The following R3HDM1 variants were observed in gnomAD, a reference collection of about 807,000 sequenced individuals.
R3HDM1 encodes R3H domain containing 1.
A neutral mutation model predicts 141.1 loss-of-function variants in R3HDM1; 46 were observed. The observed-to-expected ratio is 0.33, with a 90% CI of 0.26 to 0.42. The LOEUF is 0.42. Among genes scored for constraint, R3HDM1 ranks in the 10% least tolerant of loss-of-function variants. The pLI is 1.00. For missense variants in R3HDM1, 1,184 were observed against 1,368.3 expected (o/e 0.87, Z 2.12); for synonymous variants, 435 against 472.9 (o/e 0.92, Z 1.04).
In R3HDM1 at chr2:135,645,372, T is replaced by G; in HGVS notation, c.1475-7T>G. ...GTTATTTTTTTCCCTCTTTTTGAAT[T>G]TTTCAGGTCAGCCCTTCATAAACCC... On this transcript the variant is annotated splice_polypyrimidine_tract_variant and splice_region_variant and intron_variant, in intron 15 of 26. Transcript: ENST00000683871. The G allele has an allele frequency of 6.3e-7, 1 of 1,581,268 alleles. No individual in the cohort carries two copies. Among genetic ancestry groups the G allele is most frequent in the Non-Finnish European group, 8.6e-7 (1 of 1,159,924 alleles).
At chr2:135,585,747 C>A (rs1013700639) in intron 1 of R3HDM1, among the ~76,000 whole-genome samples, 2 of 152,212 alleles carry the variant, frequency 1.3e-5, no homozygotes, top group African/African-American at 2.4e-5. Flanking sequence ...TGACATGAGG[C>A]AGAATTGTCC....
At chr2:135,533,440 T>C (rs1695360504) in intron 1 of R3HDM1, among the ~76,000 whole-genome samples, 1 of 152,248 alleles carries the variant, frequency 6.6e-6, no homozygotes, top group Non-Finnish European at 1.5e-5. Flanking sequence ...GGGTGATTTA[T>C]ATAGAGAAAG....
intron 14 of R3HDM1, among the ~76,000 whole-genome samples, chr2:135,639,417 G>A (rs1217570832): frequency 6.6e-6 from 1 of 152,130 alleles, no homozygotes; most frequent in Non-Finnish European, 1.5e-5. Flanking sequence ...ATGCCCATAG[G>A]TAATTGGAAA....
At chr2:135,693,030 A>G (rs1196583250) in intron 21 of R3HDM1, among the ~76,000 whole-genome samples, 2 of 152,164 alleles carry the variant, frequency 1.3e-5, no homozygotes, top group African/African-American at 4.8e-5. Context: ...AAACACGCCA[A>G]ATAGGAAATA....
At chr2:135,541,548 G>A (rs1024779399) in intron 1 of R3HDM1, among the ~76,000 whole-genome samples, 1 of 152,016 alleles carries the variant, frequency 6.6e-6, no homozygotes, top group African/African-American at 2.4e-5. Context: ...CAGTGAATAG[G>A]GAGGACCAAA....
intron 1 of R3HDM1, among the ~76,000 whole-genome samples, chr2:135,537,077 A>G (rs1200033494): frequency 1.3e-5 from 2 of 151,992 alleles, no homozygotes; most frequent in African/African-American, 2.4e-5. Context: ...AAGAAGTTCC[A>G]TAACTAGAGT....
chr2:135,604,810 C>G lies in R3HDM1; in HGVS notation c.-36C>G. ...TATTAATTTTTTTTTCTTAAGGCTT[C>G]AAGCTCCCTGTAGAATTCGAAAATA... On this transcript the variant is annotated 5_prime_UTR_variant, in exon 3 of 27. The change creates a premature stop within an existing upstream ORF in the 5' untranslated region. Transcript: ENST00000683871. The G allele has an allele frequency of 6.2e-7, 1 of 1,603,646 alleles. No homozygotes were observed. The highest frequency in any genetic ancestry group is 8.5e-7 in the Non-Finnish European group (1 of 1,173,434).
chr2:135,678,006 C>G (rs1052661550), intron 20 of R3HDM1, among the ~76,000 whole-genome samples: 24 of 152,088 alleles, frequency 1.6e-4, no homozygotes, highest in Non-Finnish European at 5.9e-5. Context: ...GCTCTGTCAC[C>G]CAAGCCGGAG....
chr2:135,714,185 C>A (rs1311706707), intron 23 of R3HDM1, among the ~76,000 whole-genome samples: 1 of 152,124 alleles, frequency 6.6e-6, no homozygotes, highest in Admixed American at 6.5e-5. Flanking sequence ...ACCATGTTAA[C>A]AAAGCAGTCG....
At chr2:135,714,764 T>TAC (rs144894901) in intron 23 of R3HDM1, among the ~76,000 whole-genome samples, 102,273 of 146,690 alleles carry the variant, frequency 0.7, 37,116 homozygotes, top group Non-Finnish European at 0.84. Context: ...TATGGGTGTA[T>TAC]ACACACACAC....
chr2:135,543,676 A>C (rs1418470787), intron 1 of R3HDM1, among the ~76,000 whole-genome samples: 2 of 152,196 alleles, frequency 1.3e-5, no homozygotes, highest in African/African-American at 4.8e-5. Context: ...AAAATAACTT[A>C]AAAAAGAAGA....
intron 1 of R3HDM1, among the ~76,000 whole-genome samples, chr2:135,532,952 C>A (rs1033781753): frequency 5.3e-5 from 8 of 152,158 alleles, no homozygotes; most frequent in Admixed American, 3.3e-4. Context: ...AGATAAAATT[C>A]TAGGCCCATT....
intron 1 of R3HDM1, among the ~76,000 whole-genome samples, chr2:135,550,501 T>A (rs545374157): frequency 5.3e-5 from 8 of 152,184 alleles, no homozygotes; most frequent in Non-Finnish European, 7.4e-5. Flanking sequence ...GGGCTTATCT[T>A]TTCTCATGTC....
At chr2:135,639,992 G>T (rs2063624176) in intron 14 of R3HDM1, among the ~76,000 whole-genome samples, 1 of 152,030 alleles carries the variant, frequency 6.6e-6, no homozygotes, top group Non-Finnish European at 1.5e-5. Flanking sequence ...CCAGCTGTTT[G>T]GGAGGCTGAG....
intron 3 of R3HDM1, among the ~76,000 whole-genome samples, chr2:135,615,537 C>A (rs1305374152): frequency 2.0e-5 from 3 of 152,158 alleles, no homozygotes; most frequent in Admixed American, 6.5e-5. Flanking sequence ...TGATGGTCGG[C>A]CTGTCAGTCA....
intron 22 of R3HDM1, 85 bp downstream of exon 22, chr2:135,709,621 T>A: frequency 1.3e-6 from 2 of 1,509,808 alleles, no homozygotes; most frequent in Non-Finnish European, 1.8e-6. Context: ...TACAAAAAGC[T>A]TCTCAATTTG....
At chr2:135,559,575 T>A (rs1701421095) in intron 1 of R3HDM1, among the ~76,000 whole-genome samples, 1 of 152,220 alleles carries the variant, frequency 6.6e-6, no homozygotes, top group African/African-American at 2.4e-5. Context: ...AGAAGTATAT[T>A]TATATGCCTT....
At chr2:135,615,091 C>G (rs889749167) in intron 3 of R3HDM1, among the ~76,000 whole-genome samples, 1 of 151,872 alleles carries the variant, frequency 6.6e-6, no homozygotes. Context: ...TTTTGTTGTT[C>G]TGTAGTTTGT....
intron 24 of R3HDM1, among the ~76,000 whole-genome samples, chr2:135,719,798 T>C (rs1304376110): frequency 6.6e-6 from 1 of 152,170 alleles, no homozygotes; most frequent in African/African-American, 2.4e-5. Context: ...TTTTAAAATT[T>C]CATTATTGTA....
Sources: gnomAD v4.1 joint callset for allele counts (sites outside exome capture counted in the v4.1 genomes callset) on GRCh38, gnomAD v4.1.1 for gene constraint, MANE v1.5 for transcripts, NCBI Gene and HGNC (gene_info 2026-07-23, HGNC 2026-07-21) for gene names.